The following HCRTR2 variants were observed in gnomAD, a reference collection of about 807,000 sequenced individuals.
HCRTR2 encodes hypocretin receptor 2.
Under a neutral mutation model 49.0 loss-of-function variants are expected in HCRTR2, and 22 were observed. The observed-to-expected ratio is 0.45, with a 90% CI of 0.32 to 0.64. The LOEUF (loss-of-function observed/expected upper bound fraction) is 0.64. HCRTR2 is among the 30% of genes least tolerant of loss of function. The pLI, the probability that HCRTR2 is intolerant of heterozygous loss-of-function variation, is 0.04. For missense variants in HCRTR2, 491 were observed against 559.4 expected, an observed-to-expected ratio of 0.88 and a Z score of 1.23; for synonymous variants, 236 against 205.3, an observed-to-expected ratio of 1.15 and a Z score of -1.28.
chr6:55,176,698 C>T (rs2127270290), intron 1 of HCRTR2, among the ~76,000 whole-genome samples: 1 of 152,244 alleles, frequency 6.6e-6, no homozygotes, highest in East Asian at 1.9e-4. Flanking sequence ...TTTCTGACCT[C>T]AGATCCAGAA....
chr6:55,277,314 T>G, intron 4 of HCRTR2, 66 bp from the exon 5 acceptor site: 1 of 1,349,938 alleles, frequency 7.4e-7, no homozygotes, highest in Non-Finnish European at 1.1e-6. Flanking sequence ...TGTTTTCTAA[T>G]TACTTCCCCA....
At chr6:55,136,639 T>A (rs1764438650) in intron 1 of HCRTR2, among the ~76,000 whole-genome samples, 1 of 152,196 alleles carries the variant, frequency 6.6e-6, no homozygotes, top group South Asian at 2.1e-4. Context: ...AACTCAAATT[T>A]AGGTGACTTA....
chr6:55,213,159 A>T (rs960068184), intron 1 of HCRTR2, among the ~76,000 whole-genome samples: 2 of 152,154 alleles, frequency 1.3e-5, no homozygotes, highest in African/African-American at 4.8e-5. Flanking sequence ...TAGTACAGAA[A>T]GCAAATGCCT....
At chr6:55,243,298 C>A (rs1360777888) in intron 1 of HCRTR2, among the ~76,000 whole-genome samples, 1 of 152,120 alleles carries the variant, frequency 6.6e-6, no homozygotes, top group East Asian at 1.9e-4. Context: ...TGAAGGCAGG[C>A]TTTTAAATAC....
At chr6:55,125,943 G>A (rs180813236) in intron 1 of HCRTR2, among the ~76,000 whole-genome samples, 98 of 152,018 alleles carry the variant, frequency 6.4e-4, no homozygotes, top group African/African-American at 1.9e-3. Flanking sequence ...CGAAGTTCTC[G>A]TGCTATGTTT....
At chr6:55,208,850 A>G (rs765384189) in intron 1 of HCRTR2, among the ~76,000 whole-genome samples, 11 of 152,372 alleles carry the variant, frequency 7.2e-5, no homozygotes, top group Non-Finnish European at 1.6e-4. Context: ...TACAAATAAA[A>G]GAACCATGCA....
At chr6:55,262,411 AT>A (rs1224697407) in intron 3 of HCRTR2, among the ~76,000 whole-genome samples, 3 of 136,742 alleles carry the variant, frequency 2.2e-5, no homozygotes, top group East Asian at 4.1e-4. Context: ...AATGTATTAT[AT>A]GTTATATATA....
chr6:55,277,651 C>G, intron 5 of HCRTR2, 51 bp downstream of exon 5: 4 of 1,171,710 alleles, frequency 3.4e-6, no homozygotes, highest in Non-Finnish European at 4.8e-6. Flanking sequence ...TTTCTTGATT[C>G]TTAATTAACT....
At chr6:55,203,873 GTT>G (rs796263516) in intron 1 of HCRTR2, among the ~76,000 whole-genome samples, 2 of 147,616 alleles carry the variant, frequency 1.4e-5, no homozygotes, top group South Asian at 2.1e-4. Flanking sequence ...AGGACTTAAG[GTT>G]TTTTTTTTTC....
intron 1 of HCRTR2, among the ~76,000 whole-genome samples, chr6:55,127,484 G>A (rs1764297959): frequency 6.6e-6 from 1 of 152,118 alleles, no homozygotes; most frequent in Non-Finnish European, 1.5e-5. Flanking sequence ...GGACTTGCTG[G>A]GAGCTGCAGA....
chr6:55,241,718 C>T (rs1766335303), intron 1 of HCRTR2, among the ~76,000 whole-genome samples: 1 of 151,856 alleles, frequency 6.6e-6, no homozygotes, highest in Non-Finnish European at 1.5e-5. Flanking sequence ...TTCTTTCAAT[C>T]TTTTAAAAAA....
intron 1 of HCRTR2, among the ~76,000 whole-genome samples, chr6:55,195,023 T>G (rs976315780): frequency 6.6e-6 from 1 of 152,102 alleles, no homozygotes; most frequent in Non-Finnish European, 1.5e-5. Flanking sequence ...CCTCTAGACA[T>G]TGTGTTTTCC....
At chr6:55,210,697 A>G (rs906406492) in intron 1 of HCRTR2, among the ~76,000 whole-genome samples, 1 of 152,134 alleles carries the variant, frequency 6.6e-6, no homozygotes, top group African/African-American at 2.4e-5. Flanking sequence ...CTGGATAAGG[A>G]ACTGTCTCTA....
At chr6:55,250,760 C>T (rs1766533694) in intron 2 of HCRTR2, among the ~76,000 whole-genome samples, 1 of 152,104 alleles carries the variant, frequency 6.6e-6, no homozygotes, top group African/African-American at 2.4e-5. Context: ...ACAAGTCCTA[C>T]AGTTCAAGGA....
chr6:55,248,819 T>C lies in HCRTR2; in HGVS notation c.402+2T>C. On this transcript the variant is annotated splice_donor_variant, in intron 2 of 6. Transcript: ENST00000370862. LOFTEE classifies it high-confidence loss of function. ...TGCAAAGTGATTCCTTATCTACAGG[T>C]AATTGTTTTTAATGCTTTTTTGAAG... 6.2e-7 allele frequency: 1 copy of C among 1,611,394 alleles called. No homozygotes were observed. The highest frequency in any genetic ancestry group is 8.5e-7 in the Non-Finnish European group (1 of 1,177,690).
At chr6:55,143,158 T>C (rs1764533021) in intron 1 of HCRTR2, among the ~76,000 whole-genome samples, 1 of 130,080 alleles carries the variant, frequency 7.7e-6, no homozygotes, top group Non-Finnish European at 1.7e-5. Flanking sequence ...GTTTCCAGTA[T>C]TTACCAATTA....
chr6:55,176,020 C>G (rs1293293887), intron 1 of HCRTR2, among the ~76,000 whole-genome samples: 1 of 152,094 alleles, frequency 6.6e-6, no homozygotes, highest in Non-Finnish European at 1.5e-5. Context: ...GCTTTGCAGT[C>G]AAAAGCAAAG....
intron 1 of HCRTR2, among the ~76,000 whole-genome samples, chr6:55,131,392 G>A (rs2127246531): frequency 6.6e-6 from 1 of 151,724 alleles, no homozygotes; most frequent in South Asian, 2.1e-4. Context: ...TCCTCAGAAG[G>A]TCCAAAGATG....
At chr6:55,269,657 A>C (rs750872987) in intron 4 of HCRTR2, among the ~76,000 whole-genome samples, 18 of 152,174 alleles carry the variant, frequency 1.2e-4, no homozygotes, top group African/African-American at 4.1e-4. Flanking sequence ...TTAATAAAAG[A>C]AGCTTAATAA....
Sources: allele counts gnomAD v4.1 joint callset (sites outside exome capture counted in the v4.1 genomes callset), GRCh38; gene constraint gnomAD v4.1.1; transcripts MANE v1.5; gene names NCBI Gene and HGNC (gene_info 2026-07-23, HGNC 2026-07-21).